The following NXPH3 variants were observed in gnomAD, a reference collection of about 807,000 sequenced individuals.
NXPH3 encodes neurexophilin-3.
Under a neutral mutation model 18.8 loss-of-function variants are expected in NXPH3, and 7 were observed. That is an observed-to-expected ratio of 0.37 (90% CI 0.21 to 0.70). The LOEUF is 0.70. Among genes scored for constraint, NXPH3 ranks in the 30% least tolerant of loss-of-function variants. The pLI is 0.53. For missense variants in NXPH3, 282 were observed against 338.1 expected (o/e 0.83, Z 1.30); for synonymous variants, 101 against 137.3 (o/e 0.74, Z 1.85).
chr17:49,583,259 T>C lies in NXPH3; in HGVS notation c.*3959T>C, dbSNP rs1260084127. 2 of 152,374 alleles carry C rather than the reference T, an allele frequency of 1.3e-5. No homozygotes were observed. Among genetic ancestry groups the C allele is most frequent in the Non-Finnish European group, 2.9e-5 (2 of 68,180 alleles). The allele number at this position is 152,374 out of a possible 1,614,324, so 9.4% of individuals were successfully genotyped here. On this transcript the variant is annotated 3_prime_UTR_variant, in exon 2 of 2. Coordinates refer to ENST00000328741, the MANE Select transcript of NXPH3 (RefSeq NM_007225.4). ...TGGGAGTGGGAGACAGAAATGTTAC[T>C]TCCAAAGATTCCGAGTCCTGTGGTA...
rs1353378381 is a variant in NXPH3 at position 49,575,970 on chromosome 17, C to G, written c.-250C>G. On this transcript the variant is annotated 5_prime_UTR_variant, in exon 1 of 2. Coordinates refer to ENST00000328741, the MANE Select transcript of NXPH3 (RefSeq NM_007225.4). This position sits in a 1 kb window ranked among gnomAD's most constrained non-coding sequence, Gnocchi z 4.3. ...GGCGCAGCTGGGGCCCTTCGAGGCG[C>G]TCGGGGCGCACATCTGGGACCTCGA... 1.5e-5 allele frequency: 7 copies of G among 469,536 alleles called. No homozygotes were observed. The East Asian group carries it at 2.6e-4, about 18-fold the overall frequency. 29.1% of individuals were successfully genotyped at this position (469,536 alleles called of 1,614,324 possible).
At chr17:49,576,944 A>G (rs1055070259) in intron 1 of NXPH3, among the ~76,000 whole-genome samples, 4 of 151,386 alleles carry the variant, frequency 2.6e-5, no homozygotes, top group Admixed American at 6.6e-5. Flanking sequence ...CCCTCCCCGA[A>G]CCCAGCCCGT....
chr17:49,581,642 G>A lies in NXPH3; in HGVS notation c.*2342G>A. The stretch of plus-strand genomic sequence containing the variant: ...CCTCCGCTCCCCACCCTGGAGGCTT[G>A]AGACTGCTGGCACTGGAGCAGCCCA... On this transcript the variant is annotated 3_prime_UTR_variant, in exon 2 of 2. Coordinates refer to ENST00000328741, the MANE Select transcript of NXPH3 (RefSeq NM_007225.4). 1 of 702,590 alleles carries A rather than the reference G, an allele frequency of 1.4e-6. No individual in the cohort carries two copies. The highest frequency in any genetic ancestry group is 2.6e-6 in the Non-Finnish European group (1 of 384,988). 43.5% of individuals were successfully genotyped at this position (702,590 alleles called of 1,614,324 possible).
At position 49,581,383 on chromosome 17, in the gene NXPH3, T is replaced by G; in HGVS notation, c.*2083T>G. The G allele has an allele frequency of 1.7e-6, 1 of 586,190 alleles. No individual in the cohort carries two copies. The allele number at this position is 586,190 out of a possible 1,614,324, so 36.3% of individuals were successfully genotyped here. ...TTGGGCCCTCTTGAGGAGAGGAGAG[T>G]CCTGGCAGTAAGGTAAGATGGGCTT... On this transcript the variant is annotated 3_prime_UTR_variant, in exon 2 of 2. Coordinates refer to ENST00000328741, the MANE Select transcript of NXPH3 (RefSeq NM_007225.4).
At position 49,578,394 on chromosome 17, in the gene NXPH3, T is replaced by G. The variant is rs1037029427; in HGVS notation, c.55-202T>G. Among the ~76,000 whole-genome samples, 67 of 136,488 alleles carry G rather than the reference T, an allele frequency of 4.9e-4. No homozygotes were observed. The highest frequency in any genetic ancestry group is 1.5e-3 in the African/African-American group (57 of 37,376). 89.5% of individuals were successfully genotyped at this position (136,488 alleles called of 152,430 possible). The stretch of plus-strand genomic sequence containing the variant: ...GGCCAAGACAGTGAGGAAAGGACAA[T>G]GGGGGGGGGGGTGACCCAACTGTCA... On this transcript the variant is annotated intron_variant, in intron 1 of 1. Coordinates refer to ENST00000328741, the MANE Select transcript of NXPH3 (RefSeq NM_007225.4). The surrounding 1 kb of genome is among the most constrained non-coding windows in gnomAD (Gnocchi z 4.5).
chr17:49,576,164 G>C lies in NXPH3; in HGVS notation c.-56G>C. 1.3e-6 allele frequency: 2 copies of C among 1,548,378 alleles called. No homozygotes were observed. The highest frequency in any genetic ancestry group is 1.7e-6 in the Non-Finnish European group (2 of 1,144,494). On this transcript the variant is annotated 5_prime_UTR_variant, in exon 1 of 2. Coordinates refer to ENST00000328741, the MANE Select transcript of NXPH3 (RefSeq NM_007225.4). ...CTGAAGGAGCAGGAAGGGGAAGGAG[G>C]CCTGGGACCCCGAAAAGAGAAGGGG...
At position 49,582,333 on chromosome 17, in the gene NXPH3, T is replaced by G; in HGVS notation, c.*3033T>G. 1 of 163,308 alleles carries G rather than the reference T, an allele frequency of 6.1e-6. No homozygotes were observed. The highest frequency in any genetic ancestry group is 1.3e-5 in the Non-Finnish European group (1 of 75,418). The allele number at this position is 163,308 out of a possible 1,614,324, so 10.1% of individuals were successfully genotyped here. A position where few individuals can be genotyped will look rare whatever the true frequency, so the allele number is the denominator to read the frequency against. Reference sequence around the variant, plus strand: ...CTACTCACACTCCAACCCGTTGACCTTCCCCATCCACTGCCCTTCAAGGCA... The same window carrying G: ...CTACTCACACTCCAACCCGTTGACCGTCCCCATCCACTGCCCTTCAAGGCA... On this transcript the variant is annotated 3_prime_UTR_variant, in exon 2 of 2. Coordinates refer to ENST00000328741, the MANE Select transcript of NXPH3 (RefSeq NM_007225.4).
In NXPH3 at chr17:49,580,569, G is replaced by C. The variant is rs2071595529; in HGVS notation, c.*1269G>C. 1 of 152,310 alleles carries C rather than the reference G, an allele frequency of 6.6e-6. No homozygotes were observed. The highest frequency in any genetic ancestry group is 1.5e-5 in the Non-Finnish European group (1 of 68,114). The allele number at this position is 152,310 out of a possible 1,614,324, so 9.4% of individuals were successfully genotyped here. A position where few individuals can be genotyped will look rare whatever the true frequency, so the allele number is the denominator to read the frequency against. On this transcript the variant is annotated 3_prime_UTR_variant, in exon 2 of 2. Coordinates refer to ENST00000328741, the MANE Select transcript of NXPH3 (RefSeq NM_007225.4). ...ACGAGGAAACTTGAGCAAACACCCTGGGCTCGGTGCTGGAGGAGGGCGTAG... is the reference window on the plus strand; with the variant it reads ...ACGAGGAAACTTGAGCAAACACCCTCGGCTCGGTGCTGGAGGAGGGCGTAG...
rs2071589994 is a variant in NXPH3, at chr17:49,579,596, C to A, written c.*296C>A. The A allele has an allele frequency of 2.3e-6, 1 of 425,718 alleles. No homozygotes were observed. The highest frequency in any genetic ancestry group is 4.0e-5 in the East Asian group (1 of 24,940). The allele number at this position is 425,718 out of a possible 1,614,324, so 26.4% of individuals were successfully genotyped here. ...GGAGCCACAGAGAGATGCTGGGTCC[C>A]CGAGGCCTGTGGGCAGGCCGATCAG... On this transcript the variant is annotated 3_prime_UTR_variant, in exon 2 of 2. Coordinates refer to ENST00000328741, the MANE Select transcript of NXPH3 (RefSeq NM_007225.4). This position sits in a 1 kb window ranked among gnomAD's most constrained non-coding sequence, Gnocchi z 6.0.
At chr17:49,577,245 C>A (rs1264396016) in intron 1 of NXPH3, among the ~76,000 whole-genome samples, 1 of 152,140 alleles carries the variant, frequency 6.6e-6, no homozygotes, top group Non-Finnish European at 1.5e-5. Flanking sequence ...TCAGGGCCAG[C>A]CTGAACTGTG....
At position 49,576,711 on chromosome 17, in the gene NXPH3, G is replaced by A. The variant is rs540613450; in HGVS notation, c.54+438G>A. Among the ~76,000 whole-genome samples the A allele has an allele frequency of 8.6e-5, 13 of 151,922 alleles. 1 individual carries two copies. The South Asian group carries it at 2.7e-3, about 32-fold the overall frequency. On this transcript the variant is annotated intron_variant, in intron 1 of 1. Transcript: ENST00000328741. ...CCCAGAGCACAGAGCCGGTCCAGGC[G>A]GGGGGCGGCCCCCGCGTCCCTCCCC...
In NXPH3 at chr17:49,578,926, A is replaced by T. The variant is rs538673005; in HGVS notation, c.385A>T (p.Thr129Ser). 26 of 1,614,018 alleles carry T rather than the reference A, an allele frequency of 1.6e-5. No homozygotes were observed. The highest frequency in any genetic ancestry group is 2.2e-5 in the Non-Finnish European group (26 of 1,180,026). Residue 129 changes from threonine to serine, a missense_variant, in exon 2 of 2, where the codon ACC (threonine) becomes TCC (serine). Transcript: ENST00000328741. This position sits in a 1 kb window ranked among gnomAD's most constrained non-coding sequence, Gnocchi z 4.5. Reference sequence around the variant, plus strand: ...GAAGATTGTGGACCATGGCAATGGGACCTTCAGCGTCCACTTCCAACACAA... The same window carrying T: ...GAAGATTGTGGACCATGGCAATGGGTCCTTCAGCGTCCACTTCCAACACAA... ...TGKIVDHGNG[T>S]FSVHFQHNAT...
rs2071580257 is a variant in NXPH3 at position 49,578,181 on chromosome 17, C to T, written c.55-415C>T. On this transcript the variant is annotated intron_variant, in intron 1 of 1. Transcript: ENST00000328741. The surrounding 1 kb of genome is among the most constrained non-coding windows in gnomAD (Gnocchi z 4.5). ...TTCACAGAGGCAGGGATTCTACTTC[C>T]TATCAAATTGGGGGCTCTGTCAGCA... 6.6e-6 allele frequency among the ~76,000 whole-genome samples: 1 copy of T among 152,134 alleles called. No homozygotes were observed. The highest frequency in any genetic ancestry group is 1.5e-5 in the Non-Finnish European group (1 of 67,994).
At position 49,579,524 on chromosome 17, in the gene NXPH3, C is replaced by G; in HGVS notation, c.*224C>G. On this transcript the variant is annotated 3_prime_UTR_variant, in exon 2 of 2. Coordinates refer to ENST00000328741, the MANE Select transcript of NXPH3 (RefSeq NM_007225.4). The surrounding 1 kb of genome is among the most constrained non-coding windows in gnomAD (Gnocchi z 6.0). ...GTGGAGTGACTAGATCACAGGAGCA[C>G]TGGAGGAGGAGTGGGCTCTCTGTGC... 1 of 568,300 alleles carries G rather than the reference C, an allele frequency of 1.8e-6. No individual in the cohort carries two copies. Among genetic ancestry groups the G allele is most frequent in the Non-Finnish European group, 3.1e-6 (1 of 319,658 alleles). 35.2% of individuals were successfully genotyped at this position (568,300 alleles called of 1,614,324 possible). A position where few individuals can be genotyped will look rare whatever the true frequency, so the allele number is the denominator to read the frequency against.
At chr17:49,576,480 G>C (rs2071571837) in intron 1 of NXPH3, among the ~76,000 whole-genome samples, 1 of 151,982 alleles carries the variant, frequency 6.6e-6, no homozygotes, top group Admixed American at 6.5e-5. Context: ...GTGCTTGGCT[G>C]GCCCACCCAC....
rs200535476 is a variant in NXPH3 at position 49,576,173 on chromosome 17, C to A, written c.-47C>A. ...CAGGAAGGGGAAGGAGGCCTGGGAC[C>A]CCGAAAAGAGAAGGGGAGAGCGAGG... On this transcript the variant is annotated 5_prime_UTR_variant, in exon 1 of 2. Coordinates refer to ENST00000328741, the MANE Select transcript of NXPH3 (RefSeq NM_007225.4). 3.9e-6 allele frequency: 6 copies of A among 1,553,022 alleles called. No individual in the cohort carries two copies. In the African/African-American group the frequency reaches 8.2e-5, roughly 21 times the overall value.
chr17:49,578,667 C>T lies in NXPH3; in HGVS notation c.126C>T (p.Pro42=). ...AGCGTGATGACCACGAGGGCCAGCCCCGGCCCCGGGTGCCTCGGAAGCGGG... is the reference window on the plus strand; with the variant it reads ...AGCGTGATGACCACGAGGGCCAGCCTCGGCCCCGGGTGCCTCGGAAGCGGG... ...DPERDDHEGQ[P]RPRVPRKRGH... is the part of the protein sequence containing the mutation. The change falls in exon 2 of 2, where the codon CCC becomes CCT. Residue 42 remains proline (P), a synonymous_variant. Coordinates refer to ENST00000328741, the MANE Select transcript of NXPH3 (RefSeq NM_007225.4). This position sits in a 1 kb window ranked among gnomAD's most constrained non-coding sequence, Gnocchi z 4.5. 1 of 1,610,474 alleles carries T rather than the reference C, an allele frequency of 6.2e-7. No homozygotes were observed. The highest frequency in any genetic ancestry group is 2.2e-5 in the East Asian group (1 of 44,860).
rs1480163806 is a variant in NXPH3 at position 49,583,796 on chromosome 17, G to C, written c.*4496G>C. 4.6e-5 allele frequency: 7 copies of C among 152,154 alleles called. No homozygotes were observed. The highest frequency in any genetic ancestry group is 4.6e-4 in the Admixed American group (7 of 15,272). The allele number at this position is 152,154 out of a possible 1,614,324, so 9.4% of individuals were successfully genotyped here. ...TGGCGTATTGTTAGGAAAATTAAAT[G>C]AGTTGCTCAATAAATGTTACTTCCT... On this transcript the variant is annotated 3_prime_UTR_variant, in exon 2 of 2. Transcript: ENST00000328741.
In NXPH3 at chr17:49,578,487, C is replaced by T. The variant is rs2071582069; in HGVS notation, c.55-109C>T. 4.8e-6 allele frequency: 4 copies of T among 840,088 alleles called. No homozygotes were observed. The highest frequency in any genetic ancestry group is 1.7e-5 in the African/African-American group (1 of 59,110). The allele number at this position is 840,088 out of a possible 1,614,324, so 52.0% of individuals were successfully genotyped here. On this transcript the variant is annotated intron_variant, in intron 1 of 1. Transcript: ENST00000328741. This position sits in a 1 kb window ranked among gnomAD's most constrained non-coding sequence, Gnocchi z 4.5. Reference sequence around the variant, plus strand: ...AGCTTCAGTGGGCAAGACGCAGGAGCTCCTCACCCAGGTCAGAGTGAAGTG... The same window carrying T: ...AGCTTCAGTGGGCAAGACGCAGGAGTTCCTCACCCAGGTCAGAGTGAAGTG...
Sources: gnomAD v4.1 joint callset for allele counts (sites outside exome capture counted in the v4.1 genomes callset) on GRCh38, gnomAD v4.1.1 for gene constraint, Gnocchi (gnomAD v3.1) non-coding constraint, MANE v1.5 for transcripts, NCBI Gene and HGNC (gene_info 2026-07-23, HGNC 2026-07-21) for gene names.